SMPX: variants seen among roughly 807,000 people sequenced by gnomAD.
The protein encoded by SMPX is small muscle protein X-linked, also known as small muscular protein.
In SMPX, 2 loss-of-function variants were observed where a neutral mutation model predicts 6.3. The ratio of observed to expected loss-of-function variants is 0.32; its 90% CI spans 0.13 to 0.99. SMPX has a LOEUF of 0.99. Ranked by LOEUF, SMPX falls within the 50% of genes least tolerant of loss-of-function variation. The probability of loss-of-function intolerance (pLI) is 0.49; values close to 1 mark genes in which losing one functional copy is unlikely to be tolerated. For missense variants in SMPX, 60 were observed against 66.8 expected (o/e 0.90, Z 0.36); for synonymous variants, 32 against 24.7 (o/e 1.30, Z -0.88).
chrX:21,743,839 A>G lies in SMPX; in HGVS notation c.46-3T>C. 8.4e-7 allele frequency: 1 copy of G among 1,187,142 alleles called. No homozygotes were observed. The highest frequency in any genetic ancestry group is 1.8e-5 in the South Asian group (1 of 56,424). ...CCCATTGGAATATTGATATTTGCCTAAAAGAGAAAACAGGGTAGGTTTAGC... is the reference window on the plus strand; with the variant it reads ...CCCATTGGAATATTGATATTTGCCTGAAAGAGAAAACAGGGTAGGTTTAGC... On this transcript the variant is annotated splice_polypyrimidine_tract_variant and splice_region_variant and intron_variant, in intron 2 of 4. Coordinates refer to ENST00000379494, the MANE Select transcript of SMPX (RefSeq NM_014332.3).
At chrX:21,748,521 G>A (rs1240250150) in intron 2 of SMPX, among the ~76,000 whole-genome samples, 1 of 111,657 alleles carries the variant, frequency 9.0e-6, no homozygotes. Context: ...TAAAAAAAAT[G>A]ACATCTTTTT....
chrX:21,758,061 G>A lies in SMPX; in HGVS notation c.-132C>T, dbSNP rs567787940. 117 of 327,804 alleles carry A rather than the reference G, an allele frequency of 3.6e-4. No homozygotes were observed. In the Middle Eastern group the frequency reaches 4.8e-3, roughly 13 times the overall value. The allele number at this position is 327,804 out of a possible 1,213,427, so 27.0% of individuals were successfully genotyped here. On this transcript the variant is annotated 5_prime_UTR_variant, in exon 1 of 5. Coordinates refer to ENST00000379494, the MANE Select transcript of SMPX (RefSeq NM_014332.3). Reference sequence around the variant, plus strand: ...TCCTCTGAGCTGCGATCTCAATTCCGATGCTTTTCATGTGGCTGAAATAGC... The same window carrying A: ...TCCTCTGAGCTGCGATCTCAATTCCAATGCTTTTCATGTGGCTGAAATAGC...
intron 4 of SMPX, among the ~76,000 whole-genome samples, chrX:21,723,670 C>A (rs1443965095): frequency 7.2e-5 from 8 of 111,862 alleles, no homozygotes; most frequent in Non-Finnish European, 5.6e-5. Context: ...CACTGTGACC[C>A]CAGTTCGCAC....
chrX:21,721,978 A>G (rs957056024), intron 4 of SMPX, among the ~76,000 whole-genome samples: 5 of 110,690 alleles, frequency 4.5e-5, no homozygotes, highest in African/African-American at 1.6e-4. Flanking sequence ...CCTGGGCAAC[A>G]TGGTGAAACC....
At chrX:21,734,885 T>C (rs866867475) in intron 4 of SMPX, among the ~76,000 whole-genome samples, 1 of 112,103 alleles carries the variant, frequency 8.9e-6, no homozygotes, top group Middle Eastern at 4.6e-3. Context: ...GCACTGATCT[T>C]GGCTAGAATG....
At chrX:21,723,868 T>A (rs1405728968) in intron 4 of SMPX, among the ~76,000 whole-genome samples, 1 of 112,121 alleles carries the variant, frequency 8.9e-6, no homozygotes, top group Non-Finnish European at 1.9e-5. Context: ...GTGATGAGGA[T>A]CAAGAACCAT....
chrX:21,727,701 C>G (rs769738751), intron 4 of SMPX: 184 of 112,100 alleles, frequency 1.6e-3, no homozygotes, highest in Non-Finnish European at 1.9e-3. Context: ...TTGACTGACC[C>G]TGCCTCGGAT....
intron 1 of SMPX, 65 bp downstream of exon 1, chrX:21,757,877 G>C (rs1302237736): frequency 3.1e-6 from 1 of 319,347 alleles, no homozygotes; most frequent in East Asian, 9.8e-5. Context: ...TAGTCACTTC[G>C]AGTTAGGTAT....
chrX:21,732,279 G>C (rs1240113113), intron 4 of SMPX, among the ~76,000 whole-genome samples: 1 of 112,021 alleles, frequency 8.9e-6, no homozygotes, highest in Admixed American at 9.5e-5. Context: ...TGAATACTAA[G>C]TTTTCTTCTG....
At chrX:21,739,309 G>A (rs1602108140) in intron 3 of SMPX, among the ~76,000 whole-genome samples, 1 of 112,226 alleles carries the variant, frequency 8.9e-6, no homozygotes, top group South Asian at 3.7e-4. Context: ...GTTTATCGGA[G>A]GGGATGAGTA....
At chrX:21,708,191 T>C (rs952422571) in intron 4 of SMPX, among the ~76,000 whole-genome samples, 1 of 112,493 alleles carries the variant, frequency 8.9e-6, no homozygotes, top group Non-Finnish European at 1.9e-5. Flanking sequence ...GAAAACTACA[T>C]ACACAAGGAT....
chrX:21,719,524 A>G (rs867972024), intron 4 of SMPX, among the ~76,000 whole-genome samples: 2 of 108,459 alleles, frequency 1.8e-5, no homozygotes, highest in Non-Finnish European at 3.8e-5. Context: ...TCAAAAAAAA[A>G]AAGAAGAAGA....
At chrX:21,744,686 C>G (rs1454372945) in intron 2 of SMPX, among the ~76,000 whole-genome samples, 1 of 112,276 alleles carries the variant, frequency 8.9e-6, no homozygotes, top group Non-Finnish European at 1.9e-5. Flanking sequence ...ATAAAACAAC[C>G]ATCAAATACT....
chrX:21,713,482 G>A (rs2092780929), intron 4 of SMPX, among the ~76,000 whole-genome samples: 1 of 112,198 alleles, frequency 8.9e-6, no homozygotes, highest in African/African-American at 3.2e-5. Context: ...AGTTCCACAT[G>A]GCTGGGGAGG....
At chrX:21,734,603 A>G (rs754144669) in intron 4 of SMPX, among the ~76,000 whole-genome samples, 13 of 111,300 alleles carry the variant, frequency 1.2e-4, no homozygotes, top group African/African-American at 4.2e-4. Context: ...TCCCTGTACC[A>G]TGCCAGTTCC....
chrX:21,754,685 C>A (rs1343251757), intron 1 of SMPX, among the ~76,000 whole-genome samples: 2 of 112,383 alleles, frequency 1.8e-5, no homozygotes. Flanking sequence ...TGGCTTGAAA[C>A]TGAACTTTTG....
chrX:21,728,420 T>C (rs1288417652), intron 4 of SMPX, among the ~76,000 whole-genome samples: 1 of 111,630 alleles, frequency 9.0e-6, no homozygotes, highest in African/African-American at 3.3e-5. Context: ...CCCTAATGCC[T>C]GATATACTCA....
At chrX:21,726,995 G>C (rs770581042) in intron 4 of SMPX, among the ~76,000 whole-genome samples, 3 of 112,237 alleles carry the variant, frequency 2.7e-5, no homozygotes, top group Admixed American at 9.4e-5. Context: ...CATTCCTGCT[G>C]CAACCACTAT....
At chrX:21,735,978 C>T (rs2092810013) in intron 4 of SMPX, among the ~76,000 whole-genome samples, 1 of 111,782 alleles carries the variant, frequency 8.9e-6, no homozygotes, top group Non-Finnish European at 1.9e-5. Context: ...TTCCTGCTCA[C>T]ATCAATTTGT....
Sources: gnomAD v4.1 joint callset for allele counts (sites outside exome capture counted in the v4.1 genomes callset) on GRCh38, gnomAD v4.1.1 for gene constraint, MANE v1.5 for transcripts, NCBI Gene and HGNC (gene_info 2026-07-23, HGNC 2026-07-21) for gene names.